Variants in TKTL1 observed in about 807,000 individuals in gnomAD.
TKTL1 encodes the protein transketolase-like protein 1.
In TKTL1, 1 loss-of-function variant was observed where a neutral mutation model predicts 39.3. The ratio of observed to expected loss-of-function variants is 0.03; its 90% confidence interval spans 0.01 to 0.12. The LOEUF (loss-of-function observed/expected upper bound fraction) is 0.12, where lower values mean the gene tolerates loss of function less well. Among genes scored for constraint, TKTL1 ranks in the 10% least tolerant of loss-of-function variants. TKTL1 has a pLI of 1.00. For synonymous variants in TKTL1, 262 were observed against 193.8 expected (o/e 1.35, Z -2.92); for missense variants, 575 against 509.6 (o/e 1.13, Z -1.24).
At chrX:154,302,234 G>A (rs146885127) in intron 1 of TKTL1, among the ~76,000 whole-genome samples, 1 of 110,614 alleles carries the variant, frequency 9.0e-6, no homozygotes, top group African/African-American at 3.3e-5. Flanking sequence ...AGCAAGAAGA[G>A]AACTTTACAT....
rs782690721 is a variant in TKTL1, at chrX:154,307,970, C to T, written c.253-1375C>T. On this transcript the variant is annotated intron_variant, in intron 2 of 12. Coordinates refer to ENST00000369915, the MANE Select transcript of TKTL1 (RefSeq NM_012253.4). ...AAGGTCAAGAGCAACCAGAGAGTAG[C>T]AGAGGGTAGGAAGCAAGAAGCAGGA... Among the ~76,000 whole-genome samples, 5 of 111,787 alleles carry T rather than the reference C, an allele frequency of 4.5e-5. No homozygotes were observed. In the South Asian group the frequency reaches 1.9e-3, roughly 41 times the overall value.
At chrX:154,328,545 C>A (rs1419856228) in intron 12 of TKTL1, among the ~76,000 whole-genome samples, 2 of 15,312 alleles carry the variant, frequency 1.3e-4, no homozygotes, top group Non-Finnish European at 1.6e-4. Context: ...GACTCTGCCT[C>A]AAAAAAAAAA....
intron 5 of TKTL1, among the ~76,000 whole-genome samples, chrX:154,312,071 T>G (rs1557168473): frequency 8.9e-6 from 1 of 111,972 alleles, no homozygotes. Context: ...ATCTGATCAG[T>G]CACTTTCCCC....
chrX:154,325,453 G>A (rs781884803), intron 10 of TKTL1, 31 bp downstream of exon 10: 5 of 1,119,407 alleles, frequency 4.5e-6, no homozygotes, highest in Middle Eastern at 4.9e-4. Flanking sequence ...GCGTTATTCA[G>A]TATCATCTCC....
intron 1 of TKTL1, among the ~76,000 whole-genome samples, chrX:154,300,271 C>G (rs2067263162): frequency 8.9e-6 from 1 of 112,342 alleles, no homozygotes; most frequent in Non-Finnish European, 1.9e-5. Context: ...CCTTGGCCTC[C>G]CAAAGTGCTG....
intron 1 of TKTL1, among the ~76,000 whole-genome samples, chrX:154,302,614 A>C (rs1345099285): frequency 8.9e-6 from 1 of 111,829 alleles, no homozygotes; most frequent in African/African-American, 3.3e-5. Context: ...TCACACTGGC[A>C]TTAGGATTTC....
intron 7 of TKTL1, among the ~76,000 whole-genome samples, chrX:154,318,942 A>G (rs782624002): frequency 9.0e-6 from 1 of 111,633 alleles, no homozygotes; most frequent in Admixed American, 9.6e-5. Context: ...TATGCATATA[A>G]ATTGATAGGT....
chrX:154,323,486 G>A (rs896905222), intron 9 of TKTL1, 149 bp downstream of exon 9: 1 of 665,583 alleles, frequency 1.5e-6, no homozygotes, highest in Non-Finnish European at 2.2e-6. Context: ...AAAAACAGGA[G>A]ATTATGCACA....
chrX:154,296,033 CG>C lies in TKTL1; in HGVS notation c.134+43del, dbSNP rs782593081. ...TTGAAGTCTGGGTCATGCAGGGCCA[CG>C]GGCCCGGTGGCTTCAGGCCTGGTGG... On this transcript the variant is annotated intron_variant, in intron 1 of 12. Transcript: ENST00000369915. The C allele has an allele frequency of 5.0e-6, 6 of 1,197,945 alleles. No homozygotes were observed. The South Asian group carries it at 5.5e-5, about 11-fold the overall frequency.
chrX:154,320,999 C>T, intron 8 of TKTL1, 86 bp downstream of exon 8: 5 of 1,020,664 alleles, frequency 4.9e-6, no homozygotes, highest in Middle Eastern at 2.6e-4. Context: ...CACGAATTTC[C>T]TTATGGTTCC....
At chrX:154,322,677 A>C (rs782306468) in intron 8 of TKTL1, among the ~76,000 whole-genome samples, 21 of 111,666 alleles carry the variant, frequency 1.9e-4, no homozygotes, top group African/African-American at 6.8e-4. Context: ...TTTCTCTTTC[A>C]CATTTCTGGT....
intron 9 of TKTL1, among the ~76,000 whole-genome samples, chrX:154,325,081 C>A (rs1381163606): frequency 8.9e-6 from 1 of 111,884 alleles, no homozygotes; most frequent in East Asian, 2.8e-4. Context: ...TCTGTCTGCA[C>A]AGAACAAGTC....
intron 6 of TKTL1, among the ~76,000 whole-genome samples, chrX:154,314,497 AT>A (rs1164746342): frequency 9.0e-6 from 1 of 111,523 alleles, no homozygotes; most frequent in Non-Finnish European, 1.9e-5. Flanking sequence ...GATCATCATC[AT>A]ACACACTAAA....
At chrX:154,300,119 G>A (rs12012047) in intron 1 of TKTL1, among the ~76,000 whole-genome samples, 1,387 of 109,284 alleles carry the variant, frequency 0.013, 20 homozygotes, top group African/African-American at 0.044. Context: ...GGGTTCAAGC[G>A]ATTCTCGTGC....
chrX:154,297,898 T>C (rs2067243156), intron 1 of TKTL1, among the ~76,000 whole-genome samples: 1 of 111,840 alleles, frequency 8.9e-6, no homozygotes, highest in African/African-American at 3.2e-5. Context: ...AGCGAGACCT[T>C]GTAGAGAAAA....
At chrX:154,305,554 G>A in intron 2 of TKTL1, 133 bp downstream of exon 2, 1 of 844,971 alleles carries the variant, frequency 1.2e-6, no homozygotes, top group Non-Finnish European at 1.6e-6. Context: ...GCATCTTAAA[G>A]CTCGAGTGTT....
chrX:154,303,218 TTTA>T (rs1453590183), intron 1 of TKTL1, among the ~76,000 whole-genome samples: 1 of 99,006 alleles, frequency 1.0e-5, no homozygotes, highest in Non-Finnish European at 2.0e-5. Flanking sequence ...TATTTATTTA[TTTA>T]TTTATTTTGA....
chrX:154,319,996 G>C (rs1427721873), intron 7 of TKTL1, among the ~76,000 whole-genome samples: 1 of 112,530 alleles, frequency 8.9e-6, no homozygotes, highest in African/African-American at 3.2e-5. Flanking sequence ...CATCAGGGGA[G>C]CATTGGGCCA....
chrX:154,296,025 C>T (rs2067224197), intron 1 of TKTL1, 32 bp downstream of exon 1: 1 of 1,203,839 alleles, frequency 8.3e-7, no homozygotes, highest in Admixed American at 2.2e-5. Context: ...CTGGGTCATG[C>T]AGGGCCACGG....
Sources: gnomAD v4.1 joint callset for allele counts (sites outside exome capture counted in the v4.1 genomes callset) on GRCh38, gnomAD v4.1.1 for gene constraint, MANE v1.5 for transcripts, NCBI Gene and HGNC (gene_info 2026-07-23, HGNC 2026-07-21) for gene names.